Variants in C12orf75 observed in about 807,000 individuals in gnomAD.
C12orf75 encodes overexpressed in colon carcinoma 1 protein.
A neutral mutation model predicts 11.4 loss-of-function variants in C12orf75; 4 were observed. The observed-to-expected ratio is 0.35, with a 90% CI of 0.17 to 0.80. C12orf75 has a LOEUF of 0.80. C12orf75 is among the 30% of genes least tolerant of loss of function. The pLI, the probability that C12orf75 is intolerant of heterozygous loss-of-function variation, is 0.52. For missense variants in C12orf75, 89 were observed against 80.4 expected (o/e 1.11, Z -0.41); for synonymous variants, 30 against 30.0 (o/e 1.00, Z 0.00).
chr12:105,332,492 G>A (rs1335006395), intron 1 of C12orf75, among the ~76,000 whole-genome samples: 1 of 152,158 alleles, frequency 6.6e-6, no homozygotes, highest in East Asian at 1.9e-4. Context: ...AGCACTTTGG[G>A]AGGCTGGGGT....
chr12:105,331,636 C>T (rs1177780063), intron 1 of C12orf75, among the ~76,000 whole-genome samples: 1 of 150,148 alleles, frequency 6.7e-6, no homozygotes, highest in Admixed American at 6.6e-5. Flanking sequence ...ATAGAAACTT[C>T]TTTTTATACC....
intron 2 of C12orf75, among the ~76,000 whole-genome samples, chr12:105,356,438 G>GT (rs1288538503): frequency 0.023 from 1,874 of 82,664 alleles, 28 homozygotes; most frequent in East Asian, 0.05. Flanking sequence ...AAGACTACAG[G>GT]CTTTTTTTTT....
At chr12:105,337,184 C>T (rs748718828) in intron 1 of C12orf75, among the ~76,000 whole-genome samples, 8 of 152,010 alleles carry the variant, frequency 5.3e-5, no homozygotes, top group Non-Finnish European at 7.4e-5. Context: ...ATTAACCAGG[C>T]GTGGTGGCGC....
intron 2 of C12orf75, among the ~76,000 whole-genome samples, chr12:105,356,439 C>CTTTTTTTTTTTT (rs77310165): frequency 4.7e-5 from 5 of 106,334 alleles, no homozygotes; most frequent in Non-Finnish European, 7.6e-5. Flanking sequence ...AGACTACAGG[C>CTTTTTTTTTTTT]TTTTTTTTTT....
chr12:105,356,032 AG>A (rs1892777020), intron 2 of C12orf75, among the ~76,000 whole-genome samples: 1 of 152,242 alleles, frequency 6.6e-6, no homozygotes, highest in Non-Finnish European at 1.5e-5. Flanking sequence ...GGGCTCATCC[AG>A]GGAGAGAGAT....
chr12:105,350,030 G>A (rs1892690525), intron 2 of C12orf75, among the ~76,000 whole-genome samples: 1 of 152,128 alleles, frequency 6.6e-6, no homozygotes, highest in Non-Finnish European at 1.5e-5. Context: ...AGTAATTGAT[G>A]GCTTCTAGCT....
chr12:105,347,656 C>G (rs1303849565), intron 1 of C12orf75, among the ~76,000 whole-genome samples: 1 of 152,194 alleles, frequency 6.6e-6, no homozygotes, highest in Non-Finnish European at 1.5e-5. Context: ...TGTGGGTCTG[C>G]CTCTCCCAGT....
chr12:105,330,886 T>C lies in C12orf75; in HGVS notation c.-6T>C. Reference sequence around the variant, plus strand: ...CCGGAGCGCGGCTTCCCCGGCCGGCTGCGCGATGGGCTGCGGGAACTCCAC... The same window carrying C: ...CCGGAGCGCGGCTTCCCCGGCCGGCCGCGCGATGGGCTGCGGGAACTCCAC... On this transcript the variant is annotated 5_prime_UTR_variant, in exon 1 of 6. Transcript: ENST00000443585. 1.6e-6 allele frequency: 2 copies of C among 1,252,714 alleles called. 1 individual carries two copies. The highest frequency in any genetic ancestry group is 6.4e-5 in the South Asian group (2 of 31,084). The allele number at this position is 1,252,714 out of a possible 1,614,324, so 77.6% of individuals were successfully genotyped here.
At chr12:105,349,841 C>T (rs943106132) in intron 2 of C12orf75, among the ~76,000 whole-genome samples, 2 of 152,070 alleles carry the variant, frequency 1.3e-5, no homozygotes, top group African/African-American at 4.8e-5. Context: ...CACACCACTG[C>T]ACTCCAGCCT....
At chr12:105,356,438 GCTTT>G (rs964460190) in intron 2 of C12orf75, among the ~76,000 whole-genome samples, 4 of 83,110 alleles carry the variant, frequency 4.8e-5, no homozygotes, top group African/African-American at 1.8e-4. Flanking sequence ...AAGACTACAG[GCTTT>G]TTTTTTTTTT....
intron 5 of C12orf75, 72 bp from the exon 6 acceptor site, chr12:105,370,562 A>AG (rs1202938879): frequency 4.4e-6 from 2 of 457,294 alleles, no homozygotes; most frequent in African/African-American, 4.0e-5. Flanking sequence ...TGTAGGCTTA[A>AG]GGCTAATACA....
At chr12:105,362,523 C>T (rs564519242) in intron 2 of C12orf75, among the ~76,000 whole-genome samples, 34 of 150,604 alleles carry the variant, frequency 2.3e-4, no homozygotes, top group Non-Finnish European at 4.0e-4. Context: ...AAAAATTAGC[C>T]GGGTGTGGTG....
At chr12:105,331,963 C>T (rs2136138147) in intron 1 of C12orf75, among the ~76,000 whole-genome samples, 1 of 152,302 alleles carries the variant, frequency 6.6e-6, no homozygotes, top group Non-Finnish European at 1.5e-5. Context: ...TAACCTTGGG[C>T]CTGTCACATC....
At position 105,348,672 on chromosome 12, in the gene C12orf75, A is replaced by T. The variant is rs576376861; in HGVS notation, c.71+46A>T. The stretch of plus-strand genomic sequence containing the variant: ...ATTTTATAAGCTGTCTTTCTGAGGA[A>T]GTTGCTGTTTTTCATGATTATGACC... On this transcript the variant is annotated intron_variant, in intron 2 of 5. Coordinates refer to ENST00000443585, the MANE Select transcript of C12orf75 (RefSeq NM_001145199.2). 2.2e-5 allele frequency: 31 copies of T among 1,395,060 alleles called. 1 individual carries two copies. The highest frequency in any genetic ancestry group is 2.0e-4 in the African/African-American group (14 of 69,090). The allele number at this position is 1,395,060 out of a possible 1,614,324, so 86.4% of individuals were successfully genotyped here. A position where few individuals can be genotyped will look rare whatever the true frequency, so the allele number is the denominator to read the frequency against.
chr12:105,363,725 A>G (rs1335795837), intron 2 of C12orf75, among the ~76,000 whole-genome samples: 1 of 137,144 alleles, frequency 7.3e-6, no homozygotes, highest in East Asian at 3.5e-4. Flanking sequence ...CTCTGTCTTA[A>G]TTAAAAAAAA....
At chr12:105,362,323 T>A (rs1892879954) in intron 2 of C12orf75, among the ~76,000 whole-genome samples, 2 of 128,274 alleles carry the variant, frequency 1.6e-5, no homozygotes, top group Admixed American at 9.5e-5. Context: ...AGGCGGAGCT[T>A]GCAGTGAGCC....
intron 1 of C12orf75, among the ~76,000 whole-genome samples, chr12:105,331,948 C>CT (rs1483630484): frequency 6.6e-6 from 1 of 152,180 alleles, no homozygotes; most frequent in African/African-American, 2.4e-5. Context: ...CTGGCAATGA[C>CT]TTTGTAACCT....
At chr12:105,344,964 G>GCC (rs35063729) in intron 1 of C12orf75, among the ~76,000 whole-genome samples, 2,607 of 145,140 alleles carry the variant, frequency 0.018, 25 homozygotes, top group African/African-American at 0.03. Context: ...AAAATTCTAA[G>GCC]CCCCCCCCCA....
chr12:105,356,386 A>G (rs957099614), intron 2 of C12orf75, among the ~76,000 whole-genome samples: 3 of 150,454 alleles, frequency 2.0e-5, no homozygotes, highest in African/African-American at 7.3e-5. Context: ...GAGTCAAAGT[A>G]AGTTTAGCCT....
Sources: gnomAD v4.1 joint callset for allele counts (sites outside exome capture counted in the v4.1 genomes callset) on GRCh38, gnomAD v4.1.1 for gene constraint, MANE v1.5 for transcripts, NCBI Gene and HGNC (gene_info 2026-07-23, HGNC 2026-07-21) for gene names.